Variants in SLC4A10 observed in about 807,000 individuals in gnomAD.
SLC4A10 encodes sodium-driven chloride bicarbonate exchanger.
SLC4A10 carries 42 observed loss-of-function variants against 137.7 expected under a neutral mutation model. The ratio of observed to expected loss-of-function variants is 0.30; its 90% CI spans 0.24 to 0.39. SLC4A10 has a LOEUF of 0.39. Among genes scored for constraint, SLC4A10 ranks in the 10% least tolerant of loss-of-function variants. SLC4A10 has a pLI of 1.00. For missense variants in SLC4A10, 925 were observed against 1,355.0 expected (o/e 0.68, Z 4.98); for synonymous variants, 474 against 464.1 (o/e 1.02, Z -0.27).
At chr2:161,896,307 G>T (rs990544945) in intron 11 of SLC4A10, among the ~76,000 whole-genome samples, 4 of 151,752 alleles carry the variant, frequency 2.6e-5, no homozygotes, top group South Asian at 2.1e-4. Flanking sequence ...TGCTGTTTTG[G>T]TTACTGTAGC....
intron 1 of SLC4A10, among the ~76,000 whole-genome samples, chr2:161,758,013 T>C (rs560667040): frequency 6.6e-6 from 1 of 152,134 alleles, no homozygotes; most frequent in African/African-American, 2.4e-5. Flanking sequence ...TATTCCCTCA[T>C]GTCTCATTTC....
chr2:161,900,929 G>C lies in SLC4A10; in HGVS notation c.1360G>C (p.Ala454Pro). The C allele has an allele frequency of 6.4e-7, 1 of 1,557,768 alleles. No homozygotes were observed. The highest frequency in any genetic ancestry group is 8.7e-7 in the Non-Finnish European group (1 of 1,150,630). The change falls in exon 12 of 27, where the codon GCT becomes CCT. Residue 454 changes from alanine (A) to proline (P), a missense_variant. Coordinates refer to ENST00000446997, the MANE Select transcript of SLC4A10 (RefSeq NM_001178015.2). ...TCCACAGGAGAAGAGGAAGATTCCT[G>C]CTGTACCAAATGGAACAGCAGCTCA... is the stretch of plus-strand genomic sequence containing the variant. ...VPSQEKRKIP[A>P]VPNGTAAHGE...
rs369882974 is a variant in SLC4A10, at chr2:161,804,408, A to T, written c.131-41A>T. The stretch of plus-strand genomic sequence containing the variant: ...TAAATCATCATATCTGTGCCCTGGA[A>T]TAATTCAGAGTTTAATTTGTGGGTT... On this transcript the variant is annotated intron_variant, in intron 2 of 26. Transcript: ENST00000446997. 3 of 1,592,600 alleles carry T rather than the reference A, an allele frequency of 1.9e-6. No homozygotes were observed. The African/African-American group carries it at 4.0e-5, about 21-fold the overall frequency.
intron 11 of SLC4A10, among the ~76,000 whole-genome samples, chr2:161,900,653 A>C (rs1682889027): frequency 6.6e-6 from 1 of 152,140 alleles, no homozygotes. Context: ...AAGAATAAAT[A>C]AGTGCCCATC....
At chr2:161,946,220 G>A (rs541874493) in intron 16 of SLC4A10, among the ~76,000 whole-genome samples, 4 of 151,966 alleles carry the variant, frequency 2.6e-5, no homozygotes, top group Non-Finnish European at 5.9e-5. Context: ...TATCAAGGAA[G>A]ATGTTTGCAG....
intron 11 of SLC4A10, among the ~76,000 whole-genome samples, chr2:161,900,343 T>G (rs977273569): frequency 6.6e-6 from 1 of 152,108 alleles, no homozygotes; most frequent in African/African-American, 2.4e-5. Context: ...AAACACCAGC[T>G]GGAATTACAC....
intron 1 of SLC4A10, 99 bp from the exon 2 acceptor site, chr2:161,770,874 G>A: frequency 2.5e-6 from 2 of 789,690 alleles, no homozygotes; most frequent in Non-Finnish European, 4.1e-6. Flanking sequence ...TTAAATGACT[G>A]AATTAAGCCT....
chr2:161,888,442 A>G (rs940911094), intron 10 of SLC4A10, among the ~76,000 whole-genome samples: 1 of 152,054 alleles, frequency 6.6e-6, no homozygotes, highest in Admixed American at 6.6e-5. Context: ...ATGTTTTTCC[A>G]TTTGTTTGTG....
chr2:161,924,612 GGTGA>G (rs1221611345), intron 15 of SLC4A10, among the ~76,000 whole-genome samples: 1 of 152,032 alleles, frequency 6.6e-6, no homozygotes, highest in Admixed American at 6.6e-5. Context: ...TTGATTTATA[GGTGA>G]GTAATGTCAT....
chr2:161,646,220 T>A (rs1455958954), intron 1 of SLC4A10, among the ~76,000 whole-genome samples: 1 of 152,048 alleles, frequency 6.6e-6, no homozygotes, highest in Non-Finnish European at 1.5e-5. Context: ...AGGCTAGAGA[T>A]GCATAAAAGC....
At chr2:161,847,839 T>C (rs2059597861) in intron 4 of SLC4A10, among the ~76,000 whole-genome samples, 1 of 152,172 alleles carries the variant, frequency 6.6e-6, no homozygotes, top group African/African-American at 2.4e-5. Context: ...TGAACATACA[T>C]GTGCATGTGT....
intron 4 of SLC4A10, 73 bp from the exon 5 acceptor site, chr2:161,854,896 CT>C (rs2060017536): frequency 7.3e-6 from 10 of 1,378,534 alleles, no homozygotes; most frequent in Non-Finnish European, 9.6e-6. Flanking sequence ...CTATTTCAAC[CT>C]TTTATTTTTG....
chr2:161,927,765 G>GA (rs1217918570), intron 15 of SLC4A10, among the ~76,000 whole-genome samples: 8 of 152,146 alleles, frequency 5.3e-5, no homozygotes, highest in African/African-American at 1.9e-4. Context: ...AAAAACACAT[G>GA]AAAAAATGCT....
chr2:161,661,531 T>G (rs2038404178), intron 1 of SLC4A10, among the ~76,000 whole-genome samples: 2 of 152,242 alleles, frequency 1.3e-5, no homozygotes, highest in African/African-American at 4.8e-5. Flanking sequence ...TGAGTGGAAG[T>G]CTTTCTTTTG....
At chr2:161,705,549 G>A (rs1161400131) in intron 1 of SLC4A10, among the ~76,000 whole-genome samples, 1 of 151,640 alleles carries the variant, frequency 6.6e-6, no homozygotes, top group Admixed American at 6.6e-5. Context: ...GAATGTTCTT[G>A]CATCTCCAAA....
intron 15 of SLC4A10, 102 bp from the exon 16 acceptor site, chr2:161,942,690 A>AG (rs1483475190): frequency 1.2e-6 from 1 of 829,130 alleles, no homozygotes; most frequent in Admixed American, 2.1e-5. Context: ...TGTCAAATAG[A>AG]GGAATGCTGT....
At chr2:161,673,866 G>A (rs550292291) in intron 1 of SLC4A10, among the ~76,000 whole-genome samples, 43 of 151,918 alleles carry the variant, frequency 2.8e-4, no homozygotes, top group Non-Finnish European at 4.9e-4. Flanking sequence ...GGTGCACACC[G>A]GTAGTCTCAG....
intron 1 of SLC4A10, among the ~76,000 whole-genome samples, chr2:161,695,203 A>G (rs1403249698): frequency 6.6e-6 from 1 of 151,986 alleles, no homozygotes. Context: ...ATCTTCCTTT[A>G]TTCTGTGTTT....
At chr2:161,834,920 T>C (rs572766134) in intron 3 of SLC4A10, among the ~76,000 whole-genome samples, 1 of 152,340 alleles carries the variant, frequency 6.6e-6, no homozygotes, top group African/African-American at 2.4e-5. Context: ...CTGGAGGCCC[T>C]GTTGGAGACA....
Sources: gnomAD v4.1 joint callset for allele counts (sites outside exome capture counted in the v4.1 genomes callset) on GRCh38, gnomAD v4.1.1 for gene constraint, MANE v1.5 for transcripts, NCBI Gene and HGNC (gene_info 2026-07-23, HGNC 2026-07-21) for gene names.